DNAH1: variants seen among roughly 807,000 people sequenced by gnomAD.
DNAH1 encodes dynein axonemal heavy chain 1.
A neutral mutation model predicts 484.3 loss-of-function variants in DNAH1; 327 were observed. The ratio of observed to expected loss-of-function variants is 0.68; its 90% CI spans 0.62 to 0.74. The LOEUF is 0.74. Among genes scored for constraint, DNAH1 ranks in the 30% least tolerant of loss-of-function variants. The pLI, the probability that DNAH1 is intolerant of heterozygous loss-of-function variation, is 0.00. For missense variants in DNAH1, 5,052 were observed against 5,546.8 expected (o/e 0.91, Z 2.83); for synonymous variants, 2,192 against 2,191.9 (o/e 1.00, Z 0.00).
At position 52,392,383 on chromosome 3, in the gene DNAH1, G is replaced by A. The variant is rs187895279; in HGVS notation, c.10053-81G>A. The A allele has an allele frequency of 2.3e-6, 3 of 1,322,814 alleles. No individual in the cohort carries two copies. The African/African-American group carries it at 4.3e-5, about 19-fold the overall frequency. The allele number at this position is 1,322,814 out of a possible 1,614,324, so 81.9% of individuals were successfully genotyped here. A position where few individuals can be genotyped will look rare whatever the true frequency, so the allele number is the denominator to read the frequency against. On this transcript the variant is annotated intron_variant, in intron 63 of 77. Coordinates refer to ENST00000420323, the MANE Select transcript of DNAH1 (RefSeq NM_015512.5). ...GGGCTCTTGGAGCCCCAGAAGCACAGGTGGATGGGTGACCAGGTTCACGAC... is the reference window on the plus strand; with the variant it reads ...GGGCTCTTGGAGCCCCAGAAGCACAAGTGGATGGGTGACCAGGTTCACGAC...
Position 52,350,083 on chromosome 3 carries a change from T to C in DNAH1, c.2621T>C (p.Ile874Thr). 6.2e-7 allele frequency: 1 copy of C among 1,612,298 alleles called. No individual in the cohort carries two copies. Among genetic ancestry groups the C allele is most frequent in the Non-Finnish European group, 8.5e-7 (1 of 1,179,610 alleles). Residue 874 changes from isoleucine (I) to threonine (T), a missense_variant, in exon 15 of 78, where the codon ATC (isoleucine) becomes ACC (threonine). Physicochemically the swap from Ile to Thr is moderately conservative, Grantham distance 89. Transcript: ENST00000420323. Reference protein sequence around the residue: ...LAELREWMKGIPERLVGLEER... With the variant: ...LAELREWMKGTPERLVGLEER... ...GAGCTGCGAGAGTGGATGAAGGGCATCCCGGAGAGGCTGGTGGGCCTGGAG... is the reference window on the plus strand; with the variant it reads ...GAGCTGCGAGAGTGGATGAAGGGCACCCCGGAGAGGCTGGTGGGCCTGGAG...
intron 44 of DNAH1, chr3:52,374,422 C>T: frequency 7.6e-7 from 1 of 1,314,982 alleles, no homozygotes; most frequent in Non-Finnish European, 1.1e-6. Context: ...GTGGTGATGA[C>T]ACTTCTCAAA....
Position 52,383,880 on chromosome 3 carries a change from G to A in DNAH1, c.8171G>A (p.Arg2724Gln), listed in dbSNP as rs1224891381. The change falls in exon 52 of 78, where the codon CGA becomes CAA. Residue 2724 changes from arginine to glutamine, a missense_variant. Arg to Gln is a conservative substitution (Grantham distance 43). Coordinates refer to ENST00000420323, the MANE Select transcript of DNAH1 (RefSeq NM_015512.5). Reference sequence around the variant, plus strand: ...TCCAGCCCCATCGGAGAGGTCTTCCGAGCTCGTCTGAGGCAGTTTCCCTCC... The same window carrying A: ...TCCAGCCCCATCGGAGAGGTCTTCCAAGCTCGTCTGAGGCAGTTTCCCTCC... ...LCMSPIGEVF[R>Q]ARLRQFPSLV... is the part of the protein sequence containing the mutation. The A allele has an allele frequency of 1.1e-5, 18 of 1,602,618 alleles. No individual in the cohort carries two copies. Among genetic ancestry groups the A allele is most frequent in the Non-Finnish European group, 1.3e-5 (15 of 1,172,444 alleles).
chr3:52,326,508 A>G (rs1227232205), intron 4 of DNAH1, among the ~76,000 whole-genome samples, 194 bp downstream of exon 4: 1 of 152,146 alleles, frequency 6.6e-6, no homozygotes, highest in Non-Finnish European at 1.5e-5. Context: ...GGTGGCATTG[A>G]GGTCAATGAA....
Position 52,399,124 on chromosome 3 carries a change from G to GC in DNAH1, c.12365dup (p.Thr4125AsnfsTer16). 1 of 1,614,004 alleles carries GC rather than the reference G, an allele frequency of 6.2e-7. No individual in the cohort carries two copies. Among genetic ancestry groups the GC allele is most frequent in the Non-Finnish European group, 8.5e-7 (1 of 1,179,878 alleles). The stretch of plus-strand genomic sequence containing the variant: ...GATCAGTGGATTCTTCTTCCCCCAG[G>GC]CTTTCTTAACAGGCACTCTGCAGAA... On this transcript the variant is annotated frameshift_variant, in exon 76 of 78. Coordinates refer to ENST00000420323, the MANE Select transcript of DNAH1 (RefSeq NM_015512.5). LOFTEE classifies it high-confidence loss of function.
At chr3:52,337,922 G>A (rs1424111434) in intron 8 of DNAH1, among the ~76,000 whole-genome samples, 1 of 152,136 alleles carries the variant, frequency 6.6e-6, no homozygotes, top group Non-Finnish European at 1.5e-5. Flanking sequence ...AGCCTCCTGA[G>A]TAGCTGGGAC....
intron 8 of DNAH1, among the ~76,000 whole-genome samples, chr3:52,339,434 A>G (rs1269417841): frequency 6.6e-6 from 1 of 151,760 alleles, no homozygotes; most frequent in Admixed American, 6.6e-5. Flanking sequence ...TTTCTTACCG[A>G]CATTTGTCCA....
chr3:52,317,386 C>T (rs1052478189), intron 1 of DNAH1, among the ~76,000 whole-genome samples: 5 of 152,094 alleles, frequency 3.3e-5, no homozygotes, highest in Admixed American at 2.0e-4. Context: ...GTGGAGTCAC[C>T]GTGCAATGGG....
Position 52,395,227 on chromosome 3 carries a change from C to T in DNAH1, c.10969-81C>T. On this transcript the variant is annotated intron_variant, in intron 68 of 77. Transcript: ENST00000420323. The surrounding 1 kb of genome is among the most constrained non-coding windows in gnomAD (Gnocchi z 4.4). ...ACCAGGAAGCCCACTGGGGACCACT[C>T]TGAGAACCCCAGATCCCCCTCCCTT... 1.3e-6 allele frequency: 2 copies of T among 1,526,634 alleles called. No individual in the cohort carries two copies. The highest frequency in any genetic ancestry group is 2.5e-5 in the South Asian group (2 of 80,460). The allele number at this position is 1,526,634 out of a possible 1,614,324, so 94.6% of individuals were successfully genotyped here.
At chr3:52,357,510 C>T (rs1702661503) in intron 22 of DNAH1, 104 bp from the exon 23 acceptor site, 2 of 1,411,080 alleles carry the variant, frequency 1.4e-6, no homozygotes, top group African/African-American at 2.9e-5. Context: ...CTTTCCCAGG[C>T]CCCGCTGAGG....
rs180942589 is a variant in DNAH1, at chr3:52,353,838, T to C, written c.3480+205T>C. ...TTGACAGTGTCCACCATTGCTATTA[T>C]TTTTCAGTTACTCCTCTCAAGAGCC... On this transcript the variant is annotated intron_variant, in intron 20 of 77. Transcript: ENST00000420323. This position sits in a 1 kb window ranked among gnomAD's most constrained non-coding sequence, Gnocchi z 5.0. 2.6e-4 allele frequency: 184 copies of C among 699,632 alleles called. 1 individual carries two copies. In the African/African-American group the frequency reaches 3.2e-3, roughly 12 times the overall value. 43.3% of individuals were successfully genotyped at this position (699,632 alleles called of 1,614,324 possible).
chr3:52,338,254 G>A (rs1007986425), intron 8 of DNAH1, among the ~76,000 whole-genome samples: 2 of 151,980 alleles, frequency 1.3e-5, no homozygotes, highest in Non-Finnish European at 1.5e-5. Flanking sequence ...GATTACAGGC[G>A]CCTACCACCA....
At chr3:52,339,108 G>A (rs1701837191) in intron 8 of DNAH1, among the ~76,000 whole-genome samples, 1 of 151,762 alleles carries the variant, frequency 6.6e-6, no homozygotes, top group African/African-American at 2.4e-5. Flanking sequence ...CTTCATCAAG[G>A]ATTCCATTAT....
At chr3:52,389,081 C>T (rs1704251213) in intron 59 of DNAH1, 144 bp downstream of exon 59, 1 of 1,114,740 alleles carries the variant, frequency 9.0e-7, no homozygotes, top group African/African-American at 1.6e-5. Context: ...CAGGCTCCCT[C>T]TCTGAGCCAG....
At position 52,362,658 on chromosome 3, in the gene DNAH1, A is replaced by G. The variant is rs1185680742; in HGVS notation, c.5094+157A>G. On this transcript the variant is annotated intron_variant, in intron 31 of 77. Transcript: ENST00000420323. This position sits in a 1 kb window ranked among gnomAD's most constrained non-coding sequence, Gnocchi z 5.1. ...CATGGAGGGGAGGCCTCAGGGCCTC[A>G]GACTTGTCCTCAGGGCATGGGAGAA... 2.6e-5 allele frequency among the ~76,000 whole-genome samples: 4 copies of G among 152,212 alleles called. No homozygotes were observed. The highest frequency in any genetic ancestry group is 5.9e-5 in the Non-Finnish European group (4 of 68,034).
chr3:52,365,658 G>T (rs901725789), intron 34 of DNAH1, among the ~76,000 whole-genome samples: 2 of 152,066 alleles, frequency 1.3e-5, no homozygotes, highest in Admixed American at 6.5e-5. Context: ...AGGTCCTTTG[G>T]TGGGCCTGCA....
chr3:52,321,209 C>T (rs757205505), intron 1 of DNAH1, among the ~76,000 whole-genome samples: 4 of 151,794 alleles, frequency 2.6e-5, no homozygotes, highest in Admixed American at 1.3e-4. Context: ...CTCTGCCTCC[C>T]GGGTTCAAGT....
At chr3:52,367,445 T>G (rs926610656) in intron 36 of DNAH1, among the ~76,000 whole-genome samples, 4 of 152,260 alleles carry the variant, frequency 2.6e-5, no homozygotes, top group African/African-American at 4.8e-5. Flanking sequence ...AACGTGAACC[T>G]GTACTGCTTC....
Position 52,388,594 on chromosome 3 carries a change from G to A in DNAH1, c.9348G>A (p.Leu3116=), listed in dbSNP as rs1465142578. ...AGTGTGAGCAGTGTGAGCAGCGGCT[G>A]GGCCGAGCTGGCAAGGTGCGCACCC... ...ELKCEQCEQR[L]GRAGKLINGL... The change falls in exon 58 of 78, where the codon CTG becomes CTA. Residue 3116 remains leucine, a synonymous_variant. Transcript: ENST00000420323. 1 of 1,612,002 alleles carries A rather than the reference G, an allele frequency of 6.2e-7. No individual in the cohort carries two copies. The highest frequency in any genetic ancestry group is 1.7e-5 in the Admixed American group (1 of 59,838).
Sources: gnomAD v4.1 joint callset for allele counts (sites outside exome capture counted in the v4.1 genomes callset) on GRCh38, gnomAD v4.1.1 for gene constraint, Gnocchi (gnomAD v3.1) non-coding constraint, MANE v1.5 for transcripts, NCBI Gene and HGNC (gene_info 2026-07-23, HGNC 2026-07-21) for gene names.